CNTN6: variants seen among roughly 807,000 people sequenced by gnomAD.
The protein encoded by CNTN6 is contactin-6.
CNTN6 carries 137 observed loss-of-function variants against 122.8 expected under a neutral mutation model. The ratio of observed to expected loss-of-function variants is 1.12; its 90% CI spans 0.97 to 1.29. The LOEUF (loss-of-function observed/expected upper bound fraction) is 1.29. Ranked by LOEUF, CNTN6 falls within the 50% of genes most tolerant of loss-of-function variation. The probability of loss-of-function intolerance (pLI) is 0.00; values close to 1 mark genes in which losing one functional copy is unlikely to be tolerated. For missense variants in CNTN6, 1,634 were observed against 1,223.4 expected (o/e 1.34, Z -5.01); for synonymous variants, 570 against 426.0 (o/e 1.34, Z -4.16).
chr3:1,119,627 G>T (rs2091876147), intron 1 of CNTN6, among the ~76,000 whole-genome samples: 1 of 151,408 alleles, frequency 6.6e-6, no homozygotes, highest in South Asian at 2.1e-4. Context: ...TCAGTTACTA[G>T]ATAAGCATGG....
chr3:1,346,768 C>T (rs1037340304), intron 11 of CNTN6, among the ~76,000 whole-genome samples: 3 of 152,070 alleles, frequency 2.0e-5, no homozygotes, highest in Non-Finnish European at 2.9e-5. Flanking sequence ...GCATTAGTCT[C>T]GATGTAGTTC....
chr3:1,223,293 C>T (rs1375103823), intron 3 of CNTN6, among the ~76,000 whole-genome samples: 1 of 152,300 alleles, frequency 6.6e-6, no homozygotes, highest in East Asian at 1.9e-4. Flanking sequence ...AATCATTTTT[C>T]TCTCCTGGCG....
chr3:1,221,590 A>G (rs1396182557), intron 3 of CNTN6, among the ~76,000 whole-genome samples: 2 of 152,202 alleles, frequency 1.3e-5, no homozygotes, highest in Non-Finnish European at 2.9e-5. Flanking sequence ...CTCACATATT[A>G]TTTGTGGAAT....
At chr3:1,353,392 G>A (rs1324864175) in intron 12 of CNTN6, among the ~76,000 whole-genome samples, 1 of 151,632 alleles carries the variant, frequency 6.6e-6, no homozygotes, top group East Asian at 1.9e-4. Flanking sequence ...CCACCTTTGA[G>A]CCTGGAAGAT....
intron 1 of CNTN6, among the ~76,000 whole-genome samples, chr3:1,147,315 ACAAT>A (rs994248990): frequency 8.5e-5 from 13 of 152,116 alleles, no homozygotes; most frequent in Admixed American, 3.3e-4. Flanking sequence ...GTTTTTGTAA[ACAAT>A]CAACCATAGT....
intron 11 of CNTN6, among the ~76,000 whole-genome samples, chr3:1,342,326 C>T (rs1432507424): frequency 6.6e-6 from 1 of 152,096 alleles, no homozygotes; most frequent in Non-Finnish European, 1.5e-5. Flanking sequence ...GAAGGGGTTT[C>T]ACCATGTTGT....
At chr3:1,386,910 ATGCGTATATT>A (rs1430943725) in intron 20 of CNTN6, among the ~76,000 whole-genome samples, 2 of 152,166 alleles carry the variant, frequency 1.3e-5, no homozygotes, top group African/African-American at 2.4e-5. Flanking sequence ...ATGCGTATAT[ATGCGTATATT>A]TGTCATGTCC....
At chr3:1,368,434 A>G (rs1044230277) in intron 12 of CNTN6, among the ~76,000 whole-genome samples, 6 of 152,128 alleles carry the variant, frequency 3.9e-5, no homozygotes, top group Non-Finnish European at 8.8e-5. Flanking sequence ...ATTTCAGTGT[A>G]TAATTCATCA....
At chr3:1,098,535 T>C (rs1306157917) in intron 1 of CNTN6, among the ~76,000 whole-genome samples, 2 of 151,406 alleles carry the variant, frequency 1.3e-5, no homozygotes, top group African/African-American at 4.8e-5. Flanking sequence ...CCTGTCTTAT[T>C]TCACAGAGAT....
intron 1 of CNTN6, among the ~76,000 whole-genome samples, chr3:1,121,280 G>A (rs1038768575): frequency 2.6e-5 from 4 of 151,750 alleles, no homozygotes; most frequent in African/African-American, 9.7e-5. Flanking sequence ...AGGAGCTTCA[G>A]GGAAAACATT....
chr3:1,214,032 G>T (rs1305377466), intron 2 of CNTN6, among the ~76,000 whole-genome samples: 3 of 151,764 alleles, frequency 2.0e-5, no homozygotes, highest in African/African-American at 7.2e-5. Context: ...CTATTTTGTT[G>T]TTTATCTTAT....
Position 1,352,339 on chromosome 3 carries a change from G to T in CNTN6, c.1380G>T (p.Glu460Asp), listed in dbSNP as rs1705769170. 2.0e-6 allele frequency: 3 copies of T among 1,529,002 alleles called. No homozygotes were observed. The Admixed American group carries it at 5.9e-5, about 30-fold the overall frequency. The allele number at this position is 1,529,002 out of a possible 1,614,324, so 94.7% of individuals were successfully genotyped here. ...TTCTTTTTAGAATATTTCTCTTGGA[G>T]GATGGCAGCCTCAAGATATATAATA... The part of the protein sequence containing the change: ...LRQSKRIFLL[E>D]DGSLKIYNIT... The change falls in exon 12 of 23, where the codon GAG becomes GAT. Residue 460 changes from glutamate to aspartate, a missense_variant. Transcript: ENST00000446702.
chr3:1,191,478 G>T (rs2093701479), intron 2 of CNTN6, among the ~76,000 whole-genome samples: 1 of 152,162 alleles, frequency 6.6e-6, no homozygotes, highest in Non-Finnish European at 1.5e-5. Context: ...TGCCAGGTGG[G>T]TGGTGCACCC....
rs375302217 is a variant in CNTN6, at chr3:1,301,980, A to C, written c.761+3989A>C. Among the ~76,000 whole-genome samples the C allele has an allele frequency of 5.3e-5, 8 of 152,336 alleles. No homozygotes were observed. In the East Asian group the frequency reaches 1.5e-3, roughly 29 times the overall value. On this transcript the variant is annotated intron_variant, in intron 7 of 22. Transcript: ENST00000446702. ...AATGCCTTTGAGTCCATTATAAATT[A>C]AGGTATTTAGCAAATGCCATATTGT...
At chr3:1,318,181 C>T (rs893393573) in intron 7 of CNTN6, among the ~76,000 whole-genome samples, 2 of 151,666 alleles carry the variant, frequency 1.3e-5, no homozygotes, top group Non-Finnish European at 2.9e-5. Context: ...GTGAGATTTT[C>T]TTGTCTCTTT....
intron 16 of CNTN6, among the ~76,000 whole-genome samples, chr3:1,376,307 A>T (rs1559962700): frequency 1.3e-5 from 2 of 152,104 alleles, no homozygotes; most frequent in Admixed American, 6.6e-5. Flanking sequence ...TTACAAGGAT[A>T]CAGAGTTGAA....
chr3:1,099,599 A>G (rs2090770146), intron 1 of CNTN6, among the ~76,000 whole-genome samples: 1 of 152,226 alleles, frequency 6.6e-6, no homozygotes, highest in South Asian at 2.1e-4. Flanking sequence ...ATTATCACAT[A>G]CATTGAAAAC....
At chr3:1,097,407 C>T (rs974591682) in intron 1 of CNTN6, among the ~76,000 whole-genome samples, 1 of 152,098 alleles carries the variant, frequency 6.6e-6, no homozygotes, top group Non-Finnish European at 1.5e-5. Flanking sequence ...AACTGAATTT[C>T]CCTATATTTC....
rs368870647 is a variant in CNTN6, at chr3:1,339,837, T to C, written c.1364+9902T>C. Among the ~76,000 whole-genome samples the C allele has an allele frequency of 9.2e-5, 14 of 152,178 alleles. No homozygotes were observed. In the East Asian group the frequency reaches 9.7e-4, roughly 10 times the overall value. ...ATTGACTCTTTGACTACTCAAGGAA[T>C]GCTTGGATATACCTAATAACATATA... is the stretch of plus-strand genomic sequence containing the variant. On this transcript the variant is annotated intron_variant, in intron 11 of 22. Transcript: ENST00000446702.
Sources: gnomAD v4.1 joint callset for allele counts (sites outside exome capture counted in the v4.1 genomes callset) on GRCh38, gnomAD v4.1.1 for gene constraint, MANE v1.5 for transcripts, NCBI Gene and HGNC (gene_info 2026-07-23, HGNC 2026-07-21) for gene names.